The following PSMD12 variants were observed in gnomAD, a reference collection of about 807,000 sequenced individuals.
PSMD12 encodes the protein 26S proteasome non-ATPase regulatory subunit 12.
PSMD12 carries 8 observed loss-of-function variants against 62.9 expected under a neutral mutation model. The observed-to-expected ratio is 0.13, with a 90% confidence interval of 0.07 to 0.23. The LOEUF (loss-of-function observed/expected upper bound fraction) is 0.23. Ranked by LOEUF, PSMD12 falls within the 10% of genes least tolerant of loss-of-function variation. The probability of loss-of-function intolerance (pLI) is 1.00; values close to 1 mark genes in which losing one functional copy is unlikely to be tolerated. For missense variants in PSMD12, 424 were observed against 550.2 expected (o/e 0.77, Z 2.29); for synonymous variants, 173 against 187.4 (o/e 0.92, Z 0.63).
chr17:67,349,645 A>G (rs2041999827), intron 4 of PSMD12, among the ~76,000 whole-genome samples: 1 of 152,226 alleles, frequency 6.6e-6, no homozygotes, highest in African/African-American at 2.4e-5. Context: ...TTATCTTTAA[A>G]TACAAGACTA....
In PSMD12 at chr17:67,348,586, A is replaced by G. The variant is rs2041989879; in HGVS notation, c.474T>C (p.Asp158=). The change falls in exon 5 of 11, where the codon GAT becomes GAC. Residue 158 remains aspartate, a synonymous_variant. Coordinates refer to ENST00000356126, the MANE Select transcript of PSMD12 (RefSeq NM_002816.5). ...TLATIKEQNG[D]VKEAASILQE... is the part of the protein sequence containing the mutation. ...GTAAAATGGAGGCTGCCTCTTTCAC[A>G]TCACCATTTTGTTCTTTTATAGTTG... is the stretch of plus-strand genomic sequence containing the variant. 6.2e-7 allele frequency: 1 copy of G among 1,613,890 alleles called. No homozygotes were observed. Among genetic ancestry groups the G allele is most frequent in the Non-Finnish European group, 8.5e-7 (1 of 1,179,938 alleles).
rs1348617975 is a variant in PSMD12 at position 67,338,611 on chromosome 17, T to C, written c.*2232A>G. On this transcript the variant is annotated 3_prime_UTR_variant, in exon 11 of 11. Coordinates refer to ENST00000356126, the MANE Select transcript of PSMD12 (RefSeq NM_002816.5). ...GCTCATGCCTGTAATCCCAGCACTT[T>C]GGGCAGCCAAGGCGGGTGGATCACC... The C allele has an allele frequency of 6.6e-6, 1 of 152,342 alleles. No homozygotes were observed. 9.4% of individuals were successfully genotyped at this position (152,342 alleles called of 1,614,324 possible). A position where few individuals can be genotyped will look rare whatever the true frequency, so the allele number is the denominator to read the frequency against.
intron 1 of PSMD12, among the ~76,000 whole-genome samples, chr17:67,362,567 CAGG>C (rs72374102): frequency 0.25 from 37,635 of 149,868 alleles, 5,018 homozygotes; most frequent in Non-Finnish European, 0.3. Context: ...GACGCCGAGG[CAGG>C]AGAATTCCTT....
intron 8 of PSMD12, among the ~76,000 whole-genome samples, chr17:67,345,119 T>C (rs1012166586): frequency 3.3e-5 from 5 of 152,206 alleles, no homozygotes; most frequent in African/African-American, 1.2e-4. Context: ...TTCACAAGTA[T>C]GTATTTCTGA....
chr17:67,357,586 A>G lies in PSMD12; in HGVS notation c.109-8T>C. 6.2e-6 allele frequency: 10 copies of G among 1,609,898 alleles called. No individual in the cohort carries two copies. The highest frequency in any genetic ancestry group is 8.5e-6 in the Non-Finnish European group (10 of 1,176,438). On this transcript the variant is annotated splice_region_variant and splice_polypyrimidine_tract_variant and intron_variant, in intron 1 of 10. Coordinates refer to ENST00000356126, the MANE Select transcript of PSMD12 (RefSeq NM_002816.5). Reference sequence around the variant, plus strand: ...TTCTTGAAGTCTTCCTTCCTAAAACAAAAGATGAAAATGAACAATAAAAAA... The same window carrying G: ...TTCTTGAAGTCTTCCTTCCTAAAACGAAAGATGAAAATGAACAATAAAAAA...
intron 1 of PSMD12, among the ~76,000 whole-genome samples, chr17:67,359,222 G>A (rs984169328): frequency 1.3e-5 from 2 of 152,126 alleles, no homozygotes; most frequent in Admixed American, 1.3e-4. Context: ...GGGCAAGGTA[G>A]CCTGTGCCTG....
Position 67,345,814 on chromosome 17 carries a change from T to G in PSMD12, c.839A>C (p.Asp280Ala). The change falls in exon 8 of 11, where the codon GAC becomes GCC. Residue 280 changes from aspartate to alanine, a missense_variant. Physicochemically the swap from Asp to Ala is moderately radical, Grantham distance 126. Coordinates refer to ENST00000356126, the MANE Select transcript of PSMD12 (RefSeq NM_002816.5). The stretch of plus-strand genomic sequence containing the variant: ...GTGAACCAAATCTGACTGTTCATTG[T>G]CAAAAGGAGCCAGGATAACATAGAG... The part of the protein sequence containing the change: ...VVLYVILAPF[D>A]NEQSDLVHRI... The G allele has an allele frequency of 6.2e-7, 1 of 1,613,940 alleles. No homozygotes were observed. Among genetic ancestry groups the G allele is most frequent in the Non-Finnish European group, 8.5e-7 (1 of 1,179,898 alleles).
At chr17:67,352,080 C>A (rs75249069) in intron 3 of PSMD12, among the ~76,000 whole-genome samples, 77 of 107,638 alleles carry the variant, frequency 7.2e-4, no homozygotes, top group Middle Eastern at 5.1e-3. Context: ...GAATCTCTCT[C>A]AAAAAAAAAA....
In PSMD12 at chr17:67,347,248, T is replaced by C. The variant is rs749300537; in HGVS notation, c.663A>G (p.Lys221=). The C allele has an allele frequency of 6.2e-7, 1 of 1,612,892 alleles. No homozygotes were observed. Among genetic ancestry groups the C allele is most frequent in the Non-Finnish European group, 8.5e-7 (1 of 1,179,618 alleles). Residue 221 remains lysine, a splice_region_variant and synonymous_variant, in exon 7 of 11, where the codon AAA becomes AAG. Transcript: ENST00000356126. ...TKFFQEENTE[K]LKLKYYNLMI... is the part of the protein sequence containing the mutation. ...TTAAATTATAGTACTTCAACTTTAA[T>C]TTCTGCAAAAAAGTTGACAAAACAA...
rs1255626801 is a variant in PSMD12 at position 67,341,026 on chromosome 17, T to C, written c.1188A>G (p.Leu396=). ...TAGCAAAGATGGTCTTGTTAACTAC[T>C]AGATTTGAGAGAAAGGCTTCGGACT... is the stretch of plus-strand genomic sequence containing the variant. ...VDESEAFLSN[L]VVNKTIFAKV... is the part of the protein sequence containing the mutation. Residue 396 remains leucine (L), a synonymous_variant, in exon 11 of 11, where the codon CTA becomes CTG. Coordinates refer to ENST00000356126, the MANE Select transcript of PSMD12 (RefSeq NM_002816.5). The C allele has an allele frequency of 1.3e-6, 2 of 1,553,166 alleles. No homozygotes were observed. The highest frequency in any genetic ancestry group is 2.3e-5 in the Admixed American group (1 of 43,988).
chr17:67,348,792 G>A (rs2041992256), intron 4 of PSMD12, 138 bp from the exon 5 acceptor site: 2 of 655,458 alleles, frequency 3.1e-6, no homozygotes, highest in Non-Finnish European at 2.6e-6. Context: ...GAGTCCAGGA[G>A]TTTGAGACCA....
intron 1 of PSMD12, among the ~76,000 whole-genome samples, chr17:67,365,242 G>C (rs1175014476): frequency 6.6e-6 from 1 of 151,252 alleles, no homozygotes. Context: ...AGGCAGGACA[G>C]CATGGTGTGT....
chr17:67,357,109 C>G (rs1721377392), intron 3 of PSMD12, 194 bp downstream of exon 3: 1 of 544,582 alleles, frequency 1.8e-6, no homozygotes. Context: ...TAAAAATATG[C>G]AAACATATAA....
chr17:67,361,363 C>G (rs1257231960), intron 1 of PSMD12: 1 of 152,212 alleles, frequency 6.6e-6, no homozygotes, highest in African/African-American at 2.4e-5. Flanking sequence ...GGGCAGATCA[C>G]TTGAGGTCAG....
intron 7 of PSMD12, 70 bp downstream of exon 7, chr17:67,347,046 T>G (rs76922485): frequency 1.4e-6 from 2 of 1,464,290 alleles, no homozygotes; most frequent in East Asian, 4.6e-5. Context: ...GTTAAAAAGA[T>G]TTGAAAATAA....
At chr17:67,361,900 AAAAAAAAAAGGAAGG>A in intron 1 of PSMD12, among the ~76,000 whole-genome samples, 1 of 135,350 alleles carries the variant, frequency 7.4e-6, no homozygotes, top group Non-Finnish European at 1.6e-5. Context: ...AAAAAAAAAA[AAAAAAAAAAGGAAGG>A]AAGGAAGGGA....
intron 3 of PSMD12, among the ~76,000 whole-genome samples, chr17:67,354,391 CAG>C (rs1221529487): frequency 6.8e-6 from 1 of 148,002 alleles, no homozygotes; most frequent in East Asian, 2.0e-4. Flanking sequence ...GCCTGGGCGA[CAG>C]AGACTGTTTC....
intron 1 of PSMD12, among the ~76,000 whole-genome samples, chr17:67,365,949 A>G (rs114951330): frequency 0.011 from 1,665 of 152,290 alleles, 30 homozygotes; most frequent in African/African-American, 0.037. Flanking sequence ...TGTGTTAGTC[A>G]TCTTCGTACT....
At chr17:67,344,529 T>C (rs1007699238) in intron 9 of PSMD12, 77 bp downstream of exon 9, 7 of 1,342,468 alleles carry the variant, frequency 5.2e-6, no homozygotes, top group Middle Eastern at 1.9e-4. Flanking sequence ...ATGCTCAAAA[T>C]TGCCAAAATT....
Sources: allele counts gnomAD v4.1 joint callset (sites outside exome capture counted in the v4.1 genomes callset), GRCh38; gene constraint gnomAD v4.1.1; transcripts MANE v1.5; gene names NCBI Gene and HGNC (gene_info 2026-07-23, HGNC 2026-07-21).